IL1RL1: variants seen among roughly 807,000 people sequenced by gnomAD.
The protein encoded by IL1RL1 is interleukin 1 receptor like 1.
Under a neutral mutation model 50.9 loss-of-function variants are expected in IL1RL1, and 32 were observed. That is an observed-to-expected ratio of 0.63 (90% CI 0.47 to 0.84). IL1RL1 has a LOEUF of 0.84. Ranked by LOEUF, IL1RL1 falls within the 40% of genes least tolerant of loss-of-function variation. The pLI is 0.00. For synonymous variants in IL1RL1, 275 were observed against 236.0 expected (o/e 1.17, Z -1.51); for missense variants, 773 against 662.9 (o/e 1.17, Z -1.82).
intron 5 of IL1RL1, among the ~76,000 whole-genome samples, chr2:102,341,882 GT>G (rs940728919): frequency 6.6e-6 from 1 of 152,090 alleles, no homozygotes; most frequent in African/African-American, 2.4e-5. Context: ...CTTCTCTGTA[GT>G]CTTATTCTTA....
chr2:102,327,437 T>G (rs1203879411), intron 1 of IL1RL1, among the ~76,000 whole-genome samples: 2 of 151,374 alleles, frequency 1.3e-5, no homozygotes, highest in East Asian at 1.9e-4. Context: ...ACATCACAAT[T>G]AAAAGAACTA....
intron 1 of IL1RL1, among the ~76,000 whole-genome samples, chr2:102,314,117 A>C (rs1676601853): frequency 6.6e-6 from 1 of 151,172 alleles, no homozygotes; most frequent in African/African-American, 2.4e-5. Context: ...TCTGGGATGT[A>C]TTTGTCCTTA....
At chr2:102,350,142 G>T (rs916951948) in intron 10 of IL1RL1, among the ~76,000 whole-genome samples, 8 of 152,350 alleles carry the variant, frequency 5.3e-5, no homozygotes, top group African/African-American at 9.6e-5. Flanking sequence ...CTTCTCTCAA[G>T]GCTCTCTTCT....
At chr2:102,336,786 C>A (rs1677341444) in intron 1 of IL1RL1, among the ~76,000 whole-genome samples, 1 of 152,018 alleles carries the variant, frequency 6.6e-6, no homozygotes, top group South Asian at 2.1e-4. Context: ...CATTCTGGAA[C>A]CTAGACAGAG....
At chr2:102,326,778 G>T (rs920042467) in intron 1 of IL1RL1, among the ~76,000 whole-genome samples, 2 of 152,240 alleles carry the variant, frequency 1.3e-5, no homozygotes, top group East Asian at 3.9e-4. Flanking sequence ...TAATGGTAAA[G>T]GGATCAATTC....
rs552583362 is a variant in IL1RL1 at position 102,311,613 on chromosome 2, A to T, written c.-160A>T. On this transcript the variant is annotated 5_prime_UTR_variant, in exon 1 of 11. Transcript: ENST00000233954. Reference sequence around the variant, plus strand: ...TTGAGGAAGAAAGAACTCAAGTACAACCCAATGAGGGTAAGTGGCTTTGGG... The same window carrying T: ...TTGAGGAAGAAAGAACTCAAGTACATCCCAATGAGGGTAAGTGGCTTTGGG... 5 of 150,750 alleles carry T rather than the reference A, an allele frequency of 3.3e-5. No individual in the cohort carries two copies. The South Asian group carries it at 8.3e-4, about 25-fold the overall frequency. 9.3% of individuals were successfully genotyped at this position (150,750 alleles called of 1,614,324 possible). A position where few individuals can be genotyped will look rare whatever the true frequency, so the allele number is the denominator to read the frequency against.
chr2:102,327,411 T>C (rs911729908), intron 1 of IL1RL1, among the ~76,000 whole-genome samples: 86 of 151,072 alleles, frequency 5.7e-4, no homozygotes, highest in African/African-American at 1.9e-3. Flanking sequence ...AGGAAAGATC[T>C]AAAATTGACA....
At chr2:102,323,273 AGT>A (rs55689851) in intron 1 of IL1RL1, among the ~76,000 whole-genome samples, 108 of 48,450 alleles carry the variant, frequency 2.2e-3, no homozygotes, top group South Asian at 8.6e-3. Flanking sequence ...ATATATATAT[AGT>A]GTGTGTGTGT....
intron 1 of IL1RL1, among the ~76,000 whole-genome samples, chr2:102,311,977 TATAA>T (rs1676511454): frequency 1.1e-4 from 4 of 38,076 alleles, no homozygotes; most frequent in East Asian, 7.3e-4. Flanking sequence ...TAATATTATA[TATAA>T]TATATATTAT....
chr2:102,347,632 G>C (rs974298190), intron 8 of IL1RL1, among the ~76,000 whole-genome samples: 1 of 152,100 alleles, frequency 6.6e-6, no homozygotes, highest in African/African-American at 2.4e-5. Context: ...CCCTTTCCCA[G>C]TCCTGCATGG....
chr2:102,321,423 C>T (rs10189526), intron 1 of IL1RL1, among the ~76,000 whole-genome samples: 26,208 of 151,956 alleles, frequency 0.17, 2,565 homozygotes, highest in African/African-American at 0.26. Context: ...TTTTGCTTTT[C>T]TAAGCTCAGT....
At chr2:102,342,057 GT>G (rs1462669098) in intron 5 of IL1RL1, among the ~76,000 whole-genome samples, 165 bp from the exon 6 acceptor site, 133 of 65,758 alleles carry the variant, frequency 2.0e-3, no homozygotes, top group African/African-American at 6.6e-3. Flanking sequence ...GTGTGTGTGT[GT>G]GTGTGTGTGT....
In IL1RL1 at chr2:102,312,333, G is replaced by T. The variant is rs186152087; in HGVS notation, c.-150+710G>T. The stretch of plus-strand genomic sequence containing the variant: ...ATAATCATTGTTATCAATTTTGCTT[G>T]TGAGAAAAGTAGTATTACCAATGGG... On this transcript the variant is annotated intron_variant, in intron 1 of 10. Transcript: ENST00000233954. Among the ~76,000 whole-genome samples, 12 of 150,594 alleles carry T rather than the reference G, an allele frequency of 8.0e-5. No homozygotes were observed. The East Asian group carries it at 2.3e-3, about 29-fold the overall frequency.
chr2:102,327,744 A>G (rs1372194826), intron 1 of IL1RL1, among the ~76,000 whole-genome samples: 1 of 152,234 alleles, frequency 6.6e-6, no homozygotes, highest in East Asian at 1.9e-4. Flanking sequence ...CAAATAAACT[A>G]GAAAATCTAC....
chr2:102,338,753 C>A, intron 2 of IL1RL1, 84 bp from the exon 3 acceptor site: 1 of 1,059,382 alleles, frequency 9.4e-7, no homozygotes, highest in Non-Finnish European at 1.4e-6. Flanking sequence ...TAAATTTAAT[C>A]CTAGAAGAAA....
chr2:102,351,626 C>A lies in IL1RL1; in HGVS notation c.1376C>A (p.Ala459Asp), dbSNP rs1246281312. The change falls in exon 11 of 11, where the codon GCC (alanine) becomes GAC (aspartate). Residue 459 changes from alanine to aspartate, a missense_variant. Coordinates refer to ENST00000233954, the MANE Select transcript of IL1RL1 (RefSeq NM_016232.5). ...TPQITHNKEFAYEQEVALHCA... is the reference protein window; with the variant it reads ...TPQITHNKEFDYEQEVALHCA... ...CAGATCACTCACAATAAGGAGTTTG[C>A]CTACGAGCAGGAGGTTGCCCTGCAC... The A allele has an allele frequency of 6.2e-7, 1 of 1,613,936 alleles. No homozygotes were observed. The highest frequency in any genetic ancestry group is 1.3e-5 in the African/African-American group (1 of 74,902).
chr2:102,349,183 G>A lies in IL1RL1; in HGVS notation c.1222G>A (p.Val408Ile), dbSNP rs772608146. Reference protein sequence around the residue: ...EHFVHQILPDVLENKCGYTLC... With the variant: ...EHFVHQILPDILENKCGYTLC... ...CTTTGTTCACCAGATTCTGCCTGAT[G>A]TTCTTGAAAATAAATGTGGCTATAC... The change falls in exon 10 of 11, where the codon GTT becomes ATT. Residue 408 changes from valine (V) to isoleucine (I), a missense_variant. Coordinates refer to ENST00000233954, the MANE Select transcript of IL1RL1 (RefSeq NM_016232.5). 5 of 1,613,912 alleles carry A rather than the reference G, an allele frequency of 3.1e-6. No homozygotes were observed. Among genetic ancestry groups the A allele is most frequent in the East Asian group, 2.2e-5 (1 of 44,874 alleles).
At position 102,352,011 on chromosome 2, in the gene IL1RL1, C is replaced by G; in HGVS notation, c.*90C>G. 7.9e-7 allele frequency: 1 copy of G among 1,269,946 alleles called. No individual in the cohort carries two copies. The highest frequency in any genetic ancestry group is 2.3e-5 in the East Asian group (1 of 43,068). The allele number at this position is 1,269,946 out of a possible 1,614,324, so 78.7% of individuals were successfully genotyped here. The stretch of plus-strand genomic sequence containing the variant: ...TGCCCCTGCACTGAAGTGTGAGGAG[C>G]AGGAATATTAAAGGGATTCAGGCCT... On this transcript the variant is annotated 3_prime_UTR_variant, in exon 11 of 11. Coordinates refer to ENST00000233954, the MANE Select transcript of IL1RL1 (RefSeq NM_016232.5).
intron 1 of IL1RL1, among the ~76,000 whole-genome samples, chr2:102,328,793 A>C (rs1449093351): frequency 1.3e-5 from 2 of 152,208 alleles, no homozygotes; most frequent in Admixed American, 1.3e-4. Context: ...GATGTGAAGG[A>C]CCTCTTCAAG....
Sources: gnomAD v4.1 joint callset for allele counts (sites outside exome capture counted in the v4.1 genomes callset) on GRCh38, gnomAD v4.1.1 for gene constraint, MANE v1.5 for transcripts, NCBI Gene and HGNC (gene_info 2026-07-23, HGNC 2026-07-21) for gene names.